LRMDA: variants seen among roughly 807,000 people sequenced by gnomAD.
LRMDA encodes the protein leucine-rich melanocyte differentiation-associated protein.
LRMDA carries 18 observed loss-of-function variants against 29.8 expected under a neutral mutation model. The ratio of observed to expected loss-of-function variants is 0.60; its 90% CI spans 0.42 to 0.90. The LOEUF is 0.90. LRMDA is among the 40% of genes least tolerant of loss of function. The pLI, the probability that LRMDA is intolerant of heterozygous loss-of-function variation, is 0.00. For missense variants in LRMDA, 273 were observed against 273.9 expected, an observed-to-expected ratio of 1.00 and a Z score of 0.02; for synonymous variants, 125 against 109.4, an observed-to-expected ratio of 1.14 and a Z score of -0.89.
At chr10:76,367,539 C>T (rs774883391) in intron 6 of LRMDA, among the ~76,000 whole-genome samples, 2 of 151,978 alleles carry the variant, frequency 1.3e-5, no homozygotes, top group African/African-American at 2.4e-5. Context: ...ACTCTCCTGC[C>T]TCAGCCTCGC....
chr10:76,205,696 T>C (rs1851521784), intron 5 of LRMDA, among the ~76,000 whole-genome samples: 1 of 151,896 alleles, frequency 6.6e-6, no homozygotes, highest in African/African-American at 2.4e-5. Context: ...GGGGAGGAGG[T>C]TGAGGAGAAA....
rs541095094 is a variant in LRMDA at position 76,014,030 on chromosome 10, C to A, written c.132-21978C>A. On this transcript the variant is annotated intron_variant, in intron 2 of 6. Coordinates refer to ENST00000611255, the MANE Select transcript of LRMDA (RefSeq NM_001305581.2). ...GAAGTGATCCACATTACATCCCATA[C>A]CATTCTAGAGAAGAAGTTGGTGGTC... is the stretch of plus-strand genomic sequence containing the variant. Among the ~76,000 whole-genome samples, 389 of 148,732 alleles carry A rather than the reference C, an allele frequency of 2.6e-3. 3 individuals are homozygous for A. Among genetic ancestry groups the A allele is most frequent in the Non-Finnish European group, 4.3e-3 (291 of 67,560 alleles).
At position 75,837,151 on chromosome 10, in the gene LRMDA, T is replaced by A. The variant is rs114418007; in HGVS notation, c.132-198857T>A. Among the ~76,000 whole-genome samples, 3 of 152,194 alleles carry A rather than the reference T, an allele frequency of 2.0e-5. No individual in the cohort carries two copies. The South Asian group carries it at 6.2e-4, about 32-fold the overall frequency. ...TAGTGCTGAGTGTTGATGTAAGAGATGTATAAGGCTTGAAACTCTAAGCCT... is the reference window on the plus strand; with the variant it reads ...TAGTGCTGAGTGTTGATGTAAGAGAAGTATAAGGCTTGAAACTCTAAGCCT... On this transcript the variant is annotated intron_variant, in intron 2 of 6. Coordinates refer to ENST00000611255, the MANE Select transcript of LRMDA (RefSeq NM_001305581.2).
intron 2 of LRMDA, among the ~76,000 whole-genome samples, chr10:75,641,576 C>T (rs1460684191): frequency 1.3e-5 from 2 of 152,032 alleles, no homozygotes; most frequent in South Asian, 2.1e-4. Flanking sequence ...CAACTCAATG[C>T]AGCCTCGACC....
Position 75,622,642 on chromosome 10 carries a change from CTA to C in LRMDA, c.131+184150_131+184151del, listed in dbSNP as rs1307532839. Among the ~76,000 whole-genome samples, 10 of 152,272 alleles carry C rather than the reference CTA, an allele frequency of 6.6e-5. No homozygotes were observed. In the East Asian group the frequency reaches 1.7e-3, roughly 26 times the overall value. On this transcript the variant is annotated intron_variant, in intron 2 of 6. Coordinates refer to ENST00000611255, the MANE Select transcript of LRMDA (RefSeq NM_001305581.2). ...GGAGTCACAGACGCATTCTTAAACT[CTA>C]TGTGACATTTATACCAAAGGAACAT...
chr10:76,330,510 T>A (rs1256239461), intron 6 of LRMDA, among the ~76,000 whole-genome samples: 1 of 151,998 alleles, frequency 6.6e-6, no homozygotes, highest in Admixed American at 6.5e-5. Context: ...GAGTGTGAAT[T>A]TTCTAGGTTT....
rs186131257 is a variant in LRMDA at position 76,123,596 on chromosome 10, A to G, written c.516+64813A>G. 8.5e-5 allele frequency among the ~76,000 whole-genome samples: 13 copies of G among 152,334 alleles called. 1 individual carries two copies. In the South Asian group the frequency reaches 1.5e-3, roughly 17 times the overall value. ...TGGTCTACAAATGGAAACCATTGAT[A>G]CTGTTATTGTTGTTAGTGTTCTTCC... On this transcript the variant is annotated intron_variant, in intron 5 of 6. Coordinates refer to ENST00000611255, the MANE Select transcript of LRMDA (RefSeq NM_001305581.2).
intron 6 of LRMDA, among the ~76,000 whole-genome samples, chr10:76,406,756 G>T (rs1324973105): frequency 6.6e-6 from 1 of 152,138 alleles, no homozygotes; most frequent in Non-Finnish European, 1.5e-5. Flanking sequence ...GGTGAAAAAA[G>T]GGGCCTTCCC....
At chr10:75,461,990 G>A (rs1017882382) in intron 2 of LRMDA, among the ~76,000 whole-genome samples, 19 of 152,222 alleles carry the variant, frequency 1.2e-4, no homozygotes, top group African/African-American at 4.6e-4. Context: ...ACCTGCAATG[G>A]CAATCGTTTT....
At chr10:76,362,362 T>A (rs986387329) in intron 6 of LRMDA, among the ~76,000 whole-genome samples, 1 of 152,182 alleles carries the variant, frequency 6.6e-6, no homozygotes, top group Non-Finnish European at 1.5e-5. Context: ...CTTGGGCCAG[T>A]CACTTGATCA....
chr10:76,045,929 C>T (rs1466777043), intron 3 of LRMDA, among the ~76,000 whole-genome samples: 1 of 152,082 alleles, frequency 6.6e-6, no homozygotes, highest in Admixed American at 6.5e-5. Flanking sequence ...GTGTAACAGC[C>T]CAAGGTTAGA....
intron 2 of LRMDA, among the ~76,000 whole-genome samples, chr10:75,639,637 G>A (rs1236079080): frequency 6.6e-6 from 1 of 152,178 alleles, no homozygotes; most frequent in African/African-American, 2.4e-5. Context: ...GCGGCTGATT[G>A]TCTCCCACCA....
intron 6 of LRMDA, among the ~76,000 whole-genome samples, chr10:76,538,982 C>A (rs1299997069): frequency 6.6e-6 from 1 of 151,692 alleles, no homozygotes; most frequent in East Asian, 1.9e-4. Flanking sequence ...TTATGCCTGG[C>A]ATATGGTGTT....
At chr10:75,948,416 C>T (rs558597960) in intron 2 of LRMDA, among the ~76,000 whole-genome samples, 8 of 152,232 alleles carry the variant, frequency 5.3e-5, no homozygotes, top group African/African-American at 1.2e-4. Context: ...TCTTTTATTA[C>T]GCAGTCTTCA....
At chr10:76,141,623 C>T (rs1850202708) in intron 5 of LRMDA, among the ~76,000 whole-genome samples, 1 of 152,040 alleles carries the variant, frequency 6.6e-6, no homozygotes, top group Non-Finnish European at 1.5e-5. Flanking sequence ...TCCAGCCATT[C>T]CAAATTAGTT....
At chr10:75,566,563 C>G (rs984931638) in intron 2 of LRMDA, among the ~76,000 whole-genome samples, 4 of 152,148 alleles carry the variant, frequency 2.6e-5, no homozygotes, top group African/African-American at 9.7e-5. Context: ...GGCAATTTCT[C>G]TCTTTGCCTT....
At chr10:76,058,996 G>A (rs145386257) in intron 5 of LRMDA, among the ~76,000 whole-genome samples, 3 of 152,174 alleles carry the variant, frequency 2.0e-5, no homozygotes, top group Non-Finnish European at 4.4e-5. Context: ...ACTATGCATA[G>A]CCCAATGGTG....
intron 2 of LRMDA, among the ~76,000 whole-genome samples, chr10:75,630,252 G>A (rs1841305881): frequency 6.6e-6 from 1 of 152,160 alleles, no homozygotes; most frequent in South Asian, 2.1e-4. Flanking sequence ...CTGTTGCAAT[G>A]CCCAGGGCTT....
chr10:75,767,621 C>G (rs1041943881), intron 2 of LRMDA, among the ~76,000 whole-genome samples: 1 of 152,038 alleles, frequency 6.6e-6, no homozygotes. Flanking sequence ...GAAAACTTAA[C>G]GTGATTTCTA....
Sources: allele counts gnomAD v4.1 joint callset (sites outside exome capture counted in the v4.1 genomes callset), GRCh38; gene constraint gnomAD v4.1.1; transcripts MANE v1.5; gene names NCBI Gene and HGNC (gene_info 2026-07-23, HGNC 2026-07-21).